Variants in C19orf33 observed in about 807,000 individuals in gnomAD.
The protein encoded by C19orf33 is chromosome 19 open reading frame 33.
In C19orf33, 9 loss-of-function variants were observed where a neutral mutation model predicts 9.7. The observed-to-expected ratio is 0.93, with a 90% CI of 0.56 to 1.61. C19orf33 has a LOEUF of 1.61. Among genes scored for constraint, C19orf33 ranks in the 40% most tolerant of loss-of-function variants. The pLI is 0.00. For synonymous variants in C19orf33, 61 were observed against 54.8 expected, an observed-to-expected ratio of 1.11 and a Z score of -0.50; for missense variants, 145 against 137.9, an observed-to-expected ratio of 1.05 and a Z score of -0.26.
Position 38,304,950 on chromosome 19 carries a change from G to GGCAAGA in C19orf33, c.307_308insGCAAGA (p.Glu103delinsGlyLysLys), listed in dbSNP as rs772748463. 4.7e-6 allele frequency: 7 copies of GGCAAGA among 1,492,302 alleles called. No individual in the cohort carries two copies. The highest frequency in any genetic ancestry group is 7.0e-5 in the East Asian group (2 of 28,770). The allele number at this position is 1,492,302 out of a possible 1,614,324, so 92.4% of individuals were successfully genotyped here. On this transcript the variant is annotated protein_altering_variant, in exon 4 of 4. Coordinates refer to ENST00000301246, the MANE Select transcript of C19orf33 (RefSeq NM_033520.3). ...CAAGAAGGAGAAGGGCAAGAAGAAG[G>GGCAAGA]AGGCTCCCCACTGAAGGGCCCTGGA... is the stretch of plus-strand genomic sequence containing the variant.
At position 38,304,271 on chromosome 19, in the gene C19orf33, G is replaced by A. The variant is rs1311771090; in HGVS notation, c.10G>A (p.Asp4Asn). Residue 4 changes from aspartate to asparagine, a missense_variant, in exon 1 of 4, where the codon GAC becomes AAC. Transcript: ENST00000301246. ...AACTTCTCTTACCGCCATGGAGTTC[G>A]ACCTGGGAGCAGGTGAGCTCCTGGG... is the stretch of plus-strand genomic sequence containing the variant. MEF[D>N]LGAALEPTSQ... The A allele has an allele frequency of 6.2e-6, 10 of 1,613,620 alleles. No individual in the cohort carries two copies. The highest frequency in any genetic ancestry group is 6.8e-6 in the Non-Finnish European group (8 of 1,180,048).
In C19orf33 at chr19:38,304,498, G is replaced by A. The variant is rs1399580980; in HGVS notation, c.138+8G>A. ...GCAGGTCCGGGTCCAAAGGTAAGTC[G>A]CCTCATCACCGGCTGCGGAGGGGCG... is the stretch of plus-strand genomic sequence containing the variant. On this transcript the variant is annotated splice_region_variant and intron_variant, in intron 2 of 3. Transcript: ENST00000301246. 9 of 1,558,004 alleles carry A rather than the reference G, an allele frequency of 5.8e-6. No individual in the cohort carries two copies. Among genetic ancestry groups the A allele is most frequent in the Admixed American group, 1.9e-5 (1 of 51,390 alleles).
intron 3 of C19orf33, 57 bp downstream of exon 3, chr19:38,304,743 C>A: frequency 2.5e-6 from 4 of 1,611,892 alleles, no homozygotes; most frequent in South Asian, 2.2e-5. Context: ...GAGAGGCGTC[C>A]CCGCACTGGG....
At position 38,304,924 on chromosome 19, in the gene C19orf33, G is replaced by C. The variant is rs1968930764; in HGVS notation, c.281G>C (p.Gly94Ala). Reference sequence around the variant, plus strand: ...CCCAAAGTGAAGAAGAAGGAGAAGGGCAAGAAGGAGAAGGGCAAGAAGAAG... The same window carrying C: ...CCCAAAGTGAAGAAGAAGGAGAAGGCCAAGAAGGAGAAGGGCAAGAAGAAG... ...KKPKVKKKEK[G>A]KKEKGKKKEA... Residue 94 changes from glycine (G) to alanine (A), a missense_variant, in exon 4 of 4, where the codon GGC becomes GCC. By Grantham distance (60) the Gly-to-Ala change is moderately conservative (BLOSUM62 0). Coordinates refer to ENST00000301246, the MANE Select transcript of C19orf33 (RefSeq NM_033520.3). 1 of 1,612,198 alleles carries C rather than the reference G, an allele frequency of 6.2e-7. No homozygotes were observed. Among genetic ancestry groups the C allele is most frequent in the Non-Finnish European group, 8.5e-7 (1 of 1,179,416 alleles).
In C19orf33 at chr19:38,304,277, G is replaced by A; in HGVS notation, c.16G>A (p.Gly6Arg). 3.1e-6 allele frequency: 5 copies of A among 1,613,772 alleles called. No individual in the cohort carries two copies. The highest frequency in any genetic ancestry group is 1.1e-5 in the South Asian group (1 of 91,082). Reference sequence around the variant, plus strand: ...TCTTACCGCCATGGAGTTCGACCTGGGAGCAGGTGAGCTCCTGGGGAGTGT... The same window carrying A: ...TCTTACCGCCATGGAGTTCGACCTGAGAGCAGGTGAGCTCCTGGGGAGTGT... MEFDL[G>R]AALEPTSQKP... Residue 6 changes from glycine (G) to arginine (R), a missense_variant, in exon 1 of 4, where the codon GGA (glycine) becomes AGA (arginine). By Grantham distance (125) the Gly-to-Arg change is moderately radical (BLOSUM62 -2). Transcript: ENST00000301246.
Position 38,304,358 on chromosome 19 carries a change from C to T in C19orf33, c.23-17C>T. ...CCCAGAAGCTGCCTGCACCAACCAC[C>T]CAACTTCTCTCCACAGCCCTGGAGC... On this transcript the variant is annotated splice_polypyrimidine_tract_variant and intron_variant, in intron 1 of 3. Transcript: ENST00000301246. 6.2e-7 allele frequency: 1 copy of T among 1,604,068 alleles called. No individual in the cohort carries two copies. Among genetic ancestry groups the T allele is most frequent in the Non-Finnish European group, 8.5e-7 (1 of 1,176,488 alleles).
Position 38,304,509 on chromosome 19 carries a change from G to C in C19orf33, c.138+19G>C. The C allele has an allele frequency of 6.4e-7, 1 of 1,562,608 alleles. No individual in the cohort carries two copies. On this transcript the variant is annotated intron_variant, in intron 2 of 3. Transcript: ENST00000301246. The stretch of plus-strand genomic sequence containing the variant: ...TCCAAAGGTAAGTCGCCTCATCACC[G>C]GCTGCGGAGGGGCGGGAAGGCTGGG...
rs1437539155 is a variant in C19orf33, at chr19:38,304,901, CA to C, written c.261del (p.Val88Ter). Reference protein sequence around the residue: ...ESIPGKAKKPKVKKKEKGKKE... With the variant: ...ESIPGKAKKPXVKKKEKGKKE... Reference sequence around the variant, plus strand: ...GCATCCCGGGCAAGGCCAAGAAGCCCAAAGTGAAGAAGAAGGAGAAGGGCAA... The same window carrying C: ...GCATCCCGGGCAAGGCCAAGAAGCCCAAGTGAAGAAGAAGGAGAAGGGCAA... On this transcript the variant is annotated frameshift_variant, in exon 4 of 4. Transcript: ENST00000301246. LOFTEE classifies it low-confidence loss of function (END_TRUNC). 5 of 1,557,834 alleles carry C rather than the reference CA, an allele frequency of 3.2e-6. No homozygotes were observed. The highest frequency in any genetic ancestry group is 3.5e-6 in the Non-Finnish European group (4 of 1,142,758).
At chr19:38,304,307 T>G in intron 1 of C19orf33, 24 bp downstream of exon 1, 2 of 1,613,598 alleles carry the variant, frequency 1.2e-6, no homozygotes, top group Non-Finnish European at 1.7e-6. Context: ...GAGTGTGGAC[T>G]GGAGGTGCAG....
rs751237883 is a variant in C19orf33 at position 38,304,957 on chromosome 19, C to T, written c.314C>T (p.Pro105Leu). Residue 105 changes from proline to leucine, a missense_variant, in exon 4 of 4, where the codon CCC becomes CTC. Pro to Leu is a moderately conservative substitution (Grantham distance 98). Transcript: ENST00000301246. ...KKEKGKKKEA[P>L]H ...GAGAAGGGCAAGAAGAAGGAGGCTCCCCACTGAAGGGCCCTGGACAGGGCT... is the reference window on the plus strand; with the variant it reads ...GAGAAGGGCAAGAAGAAGGAGGCTCTCCACTGAAGGGCCCTGGACAGGGCT... The T allele has an allele frequency of 5.9e-6, 9 of 1,527,014 alleles. No homozygotes were observed. The African/African-American group carries it at 1.1e-4, about 19-fold the overall frequency. The allele number at this position is 1,527,014 out of a possible 1,614,324, so 94.6% of individuals were successfully genotyped here.
At chr19:38,304,544 G>A (rs753978518) in intron 2 of C19orf33, 54 bp downstream of exon 2, 4 of 1,588,208 alleles carry the variant, frequency 2.5e-6, no homozygotes, top group South Asian at 1.1e-5. Context: ...GGTTGCCCCT[G>A]ACCCCAGGGT....
rs747979155 is a variant in C19orf33, at chr19:38,304,423, G to A, written c.71G>A (p.Gly24Glu). The change falls in exon 2 of 4, where the codon GGA (glycine) becomes GAA (glutamate). Residue 24 changes from glycine to glutamate, a missense_variant. By Grantham distance (98) the Gly-to-Glu change is moderately conservative. Transcript: ENST00000301246. ...QKPGVGAGHG[G>E]DPKLSPHKVQ... Reference sequence around the variant, plus strand: ...CCCGGTGTGGGGGCGGGCCACGGGGGAGATCCCAAGCTCAGTCCCCACAAA... The same window carrying A: ...CCCGGTGTGGGGGCGGGCCACGGGGAAGATCCCAAGCTCAGTCCCCACAAA... The A allele has an allele frequency of 6.4e-7, 1 of 1,561,448 alleles. No homozygotes were observed. The highest frequency in any genetic ancestry group is 1.9e-5 in the Admixed American group (1 of 51,568).
Position 38,304,390 on chromosome 19 carries a change from C to T in C19orf33, c.38C>T (p.Ser13Phe), listed in dbSNP as rs531365851. ...CTCTCCACAGCCCTGGAGCCCACCTCCCAGAAGCCCGGTGTGGGGGCGGGC... is the reference window on the plus strand; with the variant it reads ...CTCTCCACAGCCCTGGAGCCCACCTTCCAGAAGCCCGGTGTGGGGGCGGGC... The part of the protein sequence containing the change: ...FDLGAALEPT[S>F]QKPGVGAGHG... The change falls in exon 2 of 4, where the codon TCC (serine) becomes TTC (phenylalanine). Residue 13 changes from serine to phenylalanine, a missense_variant. Transcript: ENST00000301246. 8.2e-6 allele frequency: 13 copies of T among 1,578,804 alleles called. No homozygotes were observed. The South Asian group carries it at 1.2e-4, about 14-fold the overall frequency.
chr19:38,304,826 C>G lies in C19orf33; in HGVS notation c.202-19C>G, dbSNP rs201036440. 7.4e-5 allele frequency: 120 copies of G among 1,613,706 alleles called. No individual in the cohort carries two copies. In the African/African-American group the frequency reaches 1.2e-3, roughly 16 times the overall value. The stretch of plus-strand genomic sequence containing the variant: ...CCAGAACCATCTCTTCTCTCCCATC[C>G]CTGCCCTCGGCCCCACAGTCCCACG... On this transcript the variant is annotated intron_variant, in intron 3 of 3. Coordinates refer to ENST00000301246, the MANE Select transcript of C19orf33 (RefSeq NM_033520.3).
intron 1 of C19orf33, 43 bp from the exon 2 acceptor site, chr19:38,304,332 G>T (rs1360734813): frequency 6.2e-7 from 1 of 1,612,300 alleles, no homozygotes; most frequent in Non-Finnish European, 8.5e-7. Flanking sequence ...CCGGACTCAA[G>T]CCCAGAAGCT....
In C19orf33 at chr19:38,304,687, G is replaced by T. The variant is rs1055697130; in HGVS notation, c.201+1G>T. The T allele has an allele frequency of 6.2e-7, 1 of 1,613,568 alleles. No homozygotes were observed. Among genetic ancestry groups the T allele is most frequent in the East Asian group, 2.2e-5 (1 of 44,868 alleles). ...CAGCGATTCGGACACGGATGTGAAG[G>T]TAAGGGGCTCTCGCCAGCGTCCCCA... is the stretch of plus-strand genomic sequence containing the variant. On this transcript the variant is annotated splice_donor_variant, in intron 3 of 3. Transcript: ENST00000301246. LOFTEE classifies it high-confidence loss of function.
At position 38,304,929 on chromosome 19, in the gene C19orf33, A is replaced by T. The variant is rs776688714; in HGVS notation, c.286A>T (p.Lys96Ter). The T allele has an allele frequency of 3.7e-6, 6 of 1,612,512 alleles. No homozygotes were observed. Among genetic ancestry groups the T allele is most frequent in the Non-Finnish European group, 5.1e-6 (6 of 1,179,588 alleles). Residue 96 changes from lysine (K) to a stop codon, truncating the protein, a stop_gained, in exon 4 of 4, where the codon AAG (lysine) becomes TAG (stop). Transcript: ENST00000301246. LOFTEE classifies it high-confidence loss of function. ...AGTGAAGAAGAAGGAGAAGGGCAAG[A>T]AGGAGAAGGGCAAGAAGAAGGAGGC... The part of the protein sequence containing the change: ...PKVKKKEKGK[K>*]EKGKKKEAPH
chr19:38,304,825 C>G lies in C19orf33; in HGVS notation c.202-20C>G. 6.2e-7 allele frequency: 1 copy of G among 1,613,690 alleles called. No individual in the cohort carries two copies. The highest frequency in any genetic ancestry group is 8.5e-7 in the Non-Finnish European group (1 of 1,179,980). ...CCCAGAACCATCTCTTCTCTCCCAT[C>G]CCTGCCCTCGGCCCCACAGTCCCAC... On this transcript the variant is annotated intron_variant, in intron 3 of 3. Coordinates refer to ENST00000301246, the MANE Select transcript of C19orf33 (RefSeq NM_033520.3).
At position 38,304,995 on chromosome 19, in the gene C19orf33, C is replaced by A; in HGVS notation, c.*31C>A. 6.4e-7 allele frequency: 1 copy of A among 1,571,204 alleles called. No individual in the cohort carries two copies. Reference sequence around the variant, plus strand: ...CCTGGACAGGGCTCATTAAACCTTCCTCTCTGCCTTCTGCGACTGGTCAGC... The same window carrying A: ...CCTGGACAGGGCTCATTAAACCTTCATCTCTGCCTTCTGCGACTGGTCAGC... On this transcript the variant is annotated 3_prime_UTR_variant, in exon 4 of 4. Transcript: ENST00000301246.
Sources: allele counts gnomAD v4.1 joint callset, GRCh38; gene constraint gnomAD v4.1.1; transcripts MANE v1.5; gene names NCBI Gene and HGNC (gene_info 2026-07-23, HGNC 2026-07-21).